SFT2D1: variants seen among roughly 807,000 people sequenced by gnomAD.
SFT2D1 encodes the protein SFT2 domain containing 1, also known as vesicle transport protein SFT2A.
A neutral mutation model predicts 28.1 loss-of-function variants in SFT2D1; 24 were observed. The ratio of observed to expected loss-of-function variants is 0.85; its 90% confidence interval spans 0.62 to 1.20. SFT2D1 has a LOEUF of 1.20. Ranked by LOEUF, SFT2D1 falls within the 50% of genes most tolerant of loss-of-function variation. The pLI, the probability that SFT2D1 is intolerant of heterozygous loss-of-function variation, is 0.00. For missense variants in SFT2D1, 181 were observed against 190.9 expected (o/e 0.95, Z 0.31); for synonymous variants, 82 against 73.7 (o/e 1.11, Z -0.58).
chr6:166,336,686 C>T (rs1347709045), intron 1 of SFT2D1, among the ~76,000 whole-genome samples: 1 of 152,186 alleles, frequency 6.6e-6, no homozygotes, highest in South Asian at 2.1e-4. Context: ...CCTCCCACCG[C>T]AGCCTCCCAT....
intron 1 of SFT2D1, among the ~76,000 whole-genome samples, chr6:166,341,373 CG>C (rs929431549): frequency 2.6e-5 from 4 of 151,142 alleles, no homozygotes; most frequent in African/African-American, 9.8e-5. Context: ...TGCTTGAACC[CG>C]GGAGGCAGAG....
rs764007934 is a variant in SFT2D1, at chr6:166,329,490, T to C, written c.233+17A>G. ...GGTAGCAAGAGCAAACAAGATATTT[T>C]GAGAAGCCAAACGTACCTGGCTAAC... On this transcript the variant is annotated intron_variant, in intron 3 of 7. Transcript: ENST00000361731. 2 of 1,598,626 alleles carry C rather than the reference T, an allele frequency of 1.3e-6. No individual in the cohort carries two copies. The highest frequency in any genetic ancestry group is 1.7e-6 in the Non-Finnish European group (2 of 1,171,802).
chr6:166,330,729 G>A (rs58802727), intron 1 of SFT2D1, among the ~76,000 whole-genome samples: 6,464 of 152,248 alleles, frequency 0.042, 457 homozygotes, highest in African/African-American at 0.15. Context: ...GAGTGCATCC[G>A]CACTCAGTGC....
chr6:166,342,280 G>C, intron 1 of SFT2D1, 139 bp downstream of exon 1: 2 of 658,768 alleles, frequency 3.0e-6, no homozygotes, highest in South Asian at 4.8e-5. Flanking sequence ...GAAGCAGGCG[G>C]AGCCCTCCTA....
At chr6:166,331,492 T>C (rs1778551109) in intron 1 of SFT2D1, 1 of 152,692 alleles carries the variant, frequency 6.5e-6, no homozygotes, top group African/African-American at 2.4e-5. Context: ...TTAAATGTTT[T>C]TTAAGTTTTA....
chr6:166,330,792 G>A (rs924630723), intron 1 of SFT2D1, among the ~76,000 whole-genome samples: 2 of 152,218 alleles, frequency 1.3e-5, no homozygotes, highest in South Asian at 2.1e-4. Flanking sequence ...CCCTTCGGCC[G>A]GTCATTGGCT....
Position 166,328,321 on chromosome 6 carries a change from C to A in SFT2D1, c.270G>T (p.Lys90Asn). 1.3e-6 allele frequency: 2 copies of A among 1,598,052 alleles called. No homozygotes were observed. The highest frequency in any genetic ancestry group is 1.7e-6 in the Non-Finnish European group (2 of 1,172,700). ...CFLMGPVKQL[K>N]KMFEATRLLA... Reference sequence around the variant, plus strand: ...GCAATCTTGTTGCTTCAAACATTTTCTTCAGTTGCTTCACAGGTCCCATTA... The same window carrying A: ...GCAATCTTGTTGCTTCAAACATTTTATTCAGTTGCTTCACAGGTCCCATTA... Residue 90 changes from lysine (K) to asparagine (N), a missense_variant, in exon 4 of 8, where the codon AAG becomes AAT. Coordinates refer to ENST00000361731, the MANE Select transcript of SFT2D1 (RefSeq NM_145169.3).
chr6:166,338,818 A>C (rs1307597658), intron 1 of SFT2D1, among the ~76,000 whole-genome samples: 5 of 152,042 alleles, frequency 3.3e-5, no homozygotes, highest in East Asian at 1.9e-4. Flanking sequence ...CTGGCTCAAT[A>C]TCTCTCCCTC....
rs770687413 is a variant in SFT2D1 at position 166,322,842 on chromosome 6, T to G, written c.440+15A>C. ...GTAAAGAACCAGAAAGAAGACAAGA[T>G]TCAAACAAGCTTACCTTGCATATGG... On this transcript the variant is annotated intron_variant, in intron 7 of 7. Coordinates refer to ENST00000361731, the MANE Select transcript of SFT2D1 (RefSeq NM_145169.3). 4 of 1,605,876 alleles carry G rather than the reference T, an allele frequency of 2.5e-6. No homozygotes were observed. In the Admixed American group the frequency reaches 6.7e-5, roughly 27 times the overall value.
At chr6:166,325,660 CCT>C (rs772575620) in intron 5 of SFT2D1, among the ~76,000 whole-genome samples, 10 of 152,264 alleles carry the variant, frequency 6.6e-5, no homozygotes, top group South Asian at 2.1e-4. Flanking sequence ...GAGCACAGCC[CCT>C]GAGCCAGGGC....
At chr6:166,335,626 A>C (rs1338225344) in intron 1 of SFT2D1, among the ~76,000 whole-genome samples, 2 of 152,106 alleles carry the variant, frequency 1.3e-5, no homozygotes, top group African/African-American at 2.4e-5. Flanking sequence ...GAACAGGAGA[A>C]CATAAATAAC....
intron 1 of SFT2D1, among the ~76,000 whole-genome samples, chr6:166,333,608 C>G (rs1214968118): frequency 6.6e-6 from 1 of 152,140 alleles, no homozygotes; most frequent in East Asian, 1.9e-4. Context: ...AAAATCCCAC[C>G]GGAGTGCAGC....
intron 1 of SFT2D1, chr6:166,331,312 T>A (rs1047791578): frequency 6.6e-6 from 1 of 152,668 alleles, no homozygotes; most frequent in Non-Finnish European, 1.5e-5. Context: ...ATGCTTATAT[T>A]TTCAAGAATA....
At chr6:166,332,974 C>T (rs112273776) in intron 1 of SFT2D1, among the ~76,000 whole-genome samples, 2 of 152,204 alleles carry the variant, frequency 1.3e-5, no homozygotes, top group African/African-American at 2.4e-5. Context: ...CTCTAATCCA[C>T]GGATCGCCAG....
chr6:166,339,528 G>GCCAT (rs1778734638), intron 1 of SFT2D1, among the ~76,000 whole-genome samples: 1 of 151,940 alleles, frequency 6.6e-6, no homozygotes, highest in Admixed American at 6.6e-5. Flanking sequence ...CACTGAGATG[G>GCCAT]CCATACCATC....
At chr6:166,338,749 C>T (rs1778712068) in intron 1 of SFT2D1, among the ~76,000 whole-genome samples, 1 of 152,042 alleles carries the variant, frequency 6.6e-6, no homozygotes, top group Non-Finnish European at 1.5e-5. Flanking sequence ...TACTCAAGTG[C>T]TGCAGGAAGT....
chr6:166,323,032 G>C (rs79146057), intron 6 of SFT2D1, 146 bp from the exon 7 acceptor site: 7,915 of 588,726 alleles, frequency 0.013, 455 homozygotes, highest in African/African-American at 0.13. Flanking sequence ...AGCAGTGAGA[G>C]CATCATCTGG....
intron 1 of SFT2D1, among the ~76,000 whole-genome samples, chr6:166,331,037 T>C (rs746463350): frequency 5.3e-5 from 8 of 152,208 alleles, no homozygotes; most frequent in Admixed American, 2.6e-4. Context: ...CTATATACCA[T>C]GCAAATTCTA....
chr6:166,334,698 T>C (rs1002835054), intron 1 of SFT2D1: 10 of 252,590 alleles, frequency 4.0e-5, no homozygotes, highest in Non-Finnish European at 6.3e-5. Flanking sequence ...ATCTGAGCGA[T>C]GGGGAACGCT....
Sources: allele counts gnomAD v4.1 joint callset (sites outside exome capture counted in the v4.1 genomes callset), GRCh38; gene constraint gnomAD v4.1.1; transcripts MANE v1.5; gene names NCBI Gene and HGNC (gene_info 2026-07-23, HGNC 2026-07-21).